SEZ6L: variants seen among roughly 807,000 people sequenced by gnomAD.
SEZ6L encodes seizure 6-like protein.
In SEZ6L, 37 loss-of-function variants were observed where a neutral mutation model predicts 106.2. The observed-to-expected ratio is 0.35, with a 90% confidence interval of 0.27 to 0.46. SEZ6L has a LOEUF of 0.46. Among genes scored for constraint, SEZ6L ranks in the 20% least tolerant of loss-of-function variants. The probability of loss-of-function intolerance (pLI) is 1.00; values close to 1 mark genes in which losing one functional copy is unlikely to be tolerated. For synonymous variants in SEZ6L, 541 were observed against 570.4 expected (o/e 0.95, Z 0.73); for missense variants, 1,172 against 1,332.8 (o/e 0.88, Z 1.88).
chr22:26,267,675 A>G (rs1264389839), intron 1 of SEZ6L, among the ~76,000 whole-genome samples: 1 of 152,236 alleles, frequency 6.6e-6, no homozygotes, highest in Non-Finnish European at 1.5e-5. Context: ...TGCAAGAGAC[A>G]GAAAAGGCAC....
Position 26,241,252 on chromosome 22 carries a change from G to T in SEZ6L, c.95-51154G>T, listed in dbSNP as rs148235360. 3.3e-5 allele frequency: 5 copies of T among 152,292 alleles called. No homozygotes were observed. The East Asian group carries it at 9.7e-4, about 29-fold the overall frequency. 9.4% of individuals were successfully genotyped at this position (152,292 alleles called of 1,614,324 possible). ...AAGACCTTGTCATGACCCAGGGCTTGGTGCCCCTTATAGTGAAGATCAGAA... is the reference window on the plus strand; with the variant it reads ...AAGACCTTGTCATGACCCAGGGCTTTGTGCCCCTTATAGTGAAGATCAGAA... On this transcript the variant is annotated intron_variant, in intron 1 of 16. Transcript: ENST00000248933.
intron 1 of SEZ6L, among the ~76,000 whole-genome samples, chr22:26,222,462 C>G (rs738653): frequency 0.84 from 127,670 of 152,180 alleles, 54,819 homozygotes; most frequent in Non-Finnish European, 0.94. Context: ...GTTATTGCTG[C>G]CTCTGCAAGG....
At chr22:26,191,422 CATGTCCTTTCCAGGGACATGG>C (rs2145656438) in intron 1 of SEZ6L, among the ~76,000 whole-genome samples, 1 of 152,294 alleles carries the variant, frequency 6.6e-6, no homozygotes, top group Admixed American at 6.5e-5. Context: ...GGAATGCAAT[CATGTCCTTTCCAGGGACATGG>C]ATGGAGCTGG....
In SEZ6L at chr22:26,223,103, G is replaced by A. The variant is rs563314078; in HGVS notation, c.94+53340G>A. On this transcript the variant is annotated intron_variant, in intron 1 of 16. Transcript: ENST00000248933. Reference sequence around the variant, plus strand: ...TGACATCTTTGTGGCCACCTCCACCGTAGGAGTTGTAGCAGCTCACCCCAA... The same window carrying A: ...TGACATCTTTGTGGCCACCTCCACCATAGGAGTTGTAGCAGCTCACCCCAA... Among the ~76,000 whole-genome samples, 38 of 152,178 alleles carry A rather than the reference G, an allele frequency of 2.5e-4. No individual in the cohort carries two copies. In the South Asian group the frequency reaches 2.7e-3, roughly 11 times the overall value.
chr22:26,194,860 T>G (rs6004953), intron 1 of SEZ6L, among the ~76,000 whole-genome samples: 11 of 152,200 alleles, frequency 7.2e-5, no homozygotes, highest in Non-Finnish European at 1.5e-4. Context: ...CTTACTTAAG[T>G]GTTCAGCATA....
chr22:26,323,836 A>G (rs1397412692), intron 9 of SEZ6L, among the ~76,000 whole-genome samples: 1 of 152,032 alleles, frequency 6.6e-6, no homozygotes, highest in Non-Finnish European at 1.5e-5. Flanking sequence ...AGTACTTACA[A>G]TGTGCCAGTC....
At chr22:26,324,064 C>CCACACACACACACACACACACACACACA (rs71311560) in intron 9 of SEZ6L, among the ~76,000 whole-genome samples, 6 of 140,160 alleles carry the variant, frequency 4.3e-5, no homozygotes, top group Non-Finnish European at 4.6e-5. Context: ...CAGTTTTTAA[C>CCACACACACACACACACACACACACACA]CACACACACA....
chr22:26,245,556 T>C (rs1233387211), intron 1 of SEZ6L, among the ~76,000 whole-genome samples: 2 of 152,184 alleles, frequency 1.3e-5, no homozygotes, highest in Non-Finnish European at 2.9e-5. Context: ...TTTAAGTTTT[T>C]GTGATGACTT....
chr22:26,286,702 G>A (rs529750105), intron 1 of SEZ6L, among the ~76,000 whole-genome samples: 28 of 151,406 alleles, frequency 1.8e-4, no homozygotes, highest in Admixed American at 8.5e-4. Context: ...ATTCTGCTGC[G>A]GCTGGGGATT....
At chr22:26,356,519 GTAAT>G in intron 12 of SEZ6L, among the ~76,000 whole-genome samples, 1 of 152,068 alleles carries the variant, frequency 6.6e-6, no homozygotes, top group South Asian at 2.1e-4. Context: ...GCACGTGCCT[GTAAT>G]CCCAGCTACC....
chr22:26,318,564 T>C (rs1219325746), intron 9 of SEZ6L, among the ~76,000 whole-genome samples: 1 of 152,218 alleles, frequency 6.6e-6, no homozygotes, highest in African/African-American at 2.4e-5. Context: ...GTAAGGTCTT[T>C]ACTAACATTA....
At chr22:26,191,389 G>A (rs1175284625) in intron 1 of SEZ6L, among the ~76,000 whole-genome samples, 3 of 152,210 alleles carry the variant, frequency 2.0e-5, no homozygotes, top group Non-Finnish European at 2.9e-5. Context: ...TATACACCAT[G>A]GAATACTATG....
intron 9 of SEZ6L, among the ~76,000 whole-genome samples, chr22:26,334,066 G>T (rs2082572147): frequency 6.6e-6 from 1 of 152,106 alleles, no homozygotes; most frequent in African/African-American, 2.4e-5. Flanking sequence ...CTTGAGACTA[G>T]GGTTAAAAGT....
chr22:26,212,686 G>A (rs1410519404), intron 1 of SEZ6L, among the ~76,000 whole-genome samples: 2 of 152,204 alleles, frequency 1.3e-5, no homozygotes, highest in Non-Finnish European at 2.9e-5. Flanking sequence ...GCCTCCCAAT[G>A]TGGTGGGATT....
intron 1 of SEZ6L, among the ~76,000 whole-genome samples, chr22:26,266,714 A>G (rs1353450311): frequency 6.6e-6 from 1 of 152,078 alleles, no homozygotes; most frequent in Non-Finnish European, 1.5e-5. Flanking sequence ...GCCATGCTTT[A>G]TTCAAGTCTG....
chr22:26,352,673 C>T (rs957376716), intron 12 of SEZ6L, among the ~76,000 whole-genome samples: 1 of 152,184 alleles, frequency 6.6e-6, no homozygotes, highest in South Asian at 2.1e-4. Flanking sequence ...AGTCCTTGTC[C>T]GTTTTCATTG....
chr22:26,350,207 T>C (rs201134359), intron 11 of SEZ6L, among the ~76,000 whole-genome samples: 24,137 of 139,656 alleles, frequency 0.17, 2,208 homozygotes, highest in South Asian at 0.36. Flanking sequence ...TATATATATA[T>C]ACACATATAT....
intron 5 of SEZ6L, among the ~76,000 whole-genome samples, chr22:26,299,448 T>C (rs945082953): frequency 4.6e-5 from 7 of 152,214 alleles, no homozygotes; most frequent in Non-Finnish European, 1.0e-4. Context: ...GGAAACACTG[T>C]ACAGAAAGCA....
intron 1 of SEZ6L, among the ~76,000 whole-genome samples, chr22:26,187,998 AGAG>A (rs1224215778): frequency 6.6e-6 from 1 of 152,202 alleles, no homozygotes; most frequent in Non-Finnish European, 1.5e-5. Context: ...AATCCAGGTG[AGAG>A]GAGATTTTAA....
Sources: gnomAD v4.1 joint callset for allele counts (sites outside exome capture counted in the v4.1 genomes callset) on GRCh38, gnomAD v4.1.1 for gene constraint, MANE v1.5 for transcripts, NCBI Gene and HGNC (gene_info 2026-07-23, HGNC 2026-07-21) for gene names.